Variants in RIMS1 observed in about 807,000 individuals in gnomAD.
RIMS1 encodes regulating synaptic membrane exocytosis protein 1.
In RIMS1, 83 loss-of-function variants were observed where a neutral mutation model predicts 214.1. The ratio of observed to expected loss-of-function variants is 0.39; its 90% CI spans 0.32 to 0.47. The LOEUF is 0.47. Ranked by LOEUF, RIMS1 falls within the 20% of genes least tolerant of loss-of-function variation. The pLI is 0.99. For synonymous variants in RIMS1, 793 were observed against 786.8 expected (o/e 1.01, Z -0.13); for missense variants, 2,050 against 2,161.8 (o/e 0.95, Z 1.03).
At chr6:72,005,415 T>C (rs1327028299) in intron 2 of RIMS1, among the ~76,000 whole-genome samples, 1 of 152,202 alleles carries the variant, frequency 6.6e-6, no homozygotes, top group Admixed American at 6.5e-5. Context: ...AAGAAAGTCA[T>C]TGGTAGCTTC....
At chr6:72,374,920 A>C (rs1455754123) in intron 29 of RIMS1, among the ~76,000 whole-genome samples, 2 of 152,186 alleles carry the variant, frequency 1.3e-5, no homozygotes, top group African/African-American at 4.8e-5. Flanking sequence ...TTAGATTCTC[A>C]AAAAGAATGC....
At chr6:72,061,359 C>T (rs1827805243) in intron 2 of RIMS1, among the ~76,000 whole-genome samples, 1 of 152,056 alleles carries the variant, frequency 6.6e-6, no homozygotes, top group Non-Finnish European at 1.5e-5. Flanking sequence ...GGCATGACAC[C>T]AAAAAATTTA....
intron 26 of RIMS1, among the ~76,000 whole-genome samples, chr6:72,297,359 T>A (rs192314382): frequency 1.1e-3 from 170 of 152,102 alleles, no homozygotes; most frequent in Non-Finnish European, 1.9e-3. Context: ...CTAAAAGTAT[T>A]AGATTCATAT....
chr6:72,096,732 T>A (rs2031857705), intron 2 of RIMS1, among the ~76,000 whole-genome samples: 1 of 152,218 alleles, frequency 6.6e-6, no homozygotes, highest in African/African-American at 2.4e-5. Flanking sequence ...TACATACACA[T>A]AGTTCAGTGC....
intron 29 of RIMS1, among the ~76,000 whole-genome samples, chr6:72,346,340 A>C (rs755787627): frequency 2.6e-5 from 4 of 151,850 alleles, no homozygotes; most frequent in Non-Finnish European, 5.9e-5. Flanking sequence ...AGTTAATAGA[A>C]TACAAGAATA....
At chr6:72,099,059 A>G (rs761721987) in intron 3 of RIMS1, among the ~76,000 whole-genome samples, 1 of 152,234 alleles carries the variant, frequency 6.6e-6, no homozygotes. Flanking sequence ...GTTCAGTCTG[A>G]AAAGATGTTG....
chr6:72,156,503 G>T (rs2044462846), intron 4 of RIMS1, among the ~76,000 whole-genome samples: 1 of 140,018 alleles, frequency 7.1e-6, no homozygotes, highest in Admixed American at 7.4e-5. Flanking sequence ...TAGGTAAAAG[G>T]GTACTACCTT....
intron 2 of RIMS1, among the ~76,000 whole-genome samples, chr6:71,989,074 C>T (rs1280896552): frequency 2.0e-5 from 3 of 152,086 alleles, no homozygotes; most frequent in Non-Finnish European, 2.9e-5. Context: ...AATGTATAAA[C>T]AATGGAAGAA....
chr6:72,392,773 G>A lies in RIMS1; in HGVS notation c.4581G>A (p.Gln1527=), dbSNP rs1345346015. The change falls in exon 31 of 34, where the codon CAG becomes CAA. Residue 1527 remains glutamine, a synonymous_variant. Transcript: ENST00000521978. ...SDFLDGLGPA[Q]LVGRQTLATP... Reference sequence around the variant, plus strand: ...TTCTTGATGGATTGGGACCAGCCCAGCTTGTTGGCCGCCAAACCCTTGCCA... The same window carrying A: ...TTCTTGATGGATTGGGACCAGCCCAACTTGTTGGCCGCCAAACCCTTGCCA... 1 of 1,613,542 alleles carries A rather than the reference G, an allele frequency of 6.2e-7. No homozygotes were observed. Among genetic ancestry groups the A allele is most frequent in the Non-Finnish European group, 8.5e-7 (1 of 1,179,776 alleles).
intron 4 of RIMS1, among the ~76,000 whole-genome samples, chr6:72,112,736 C>G (rs1315905671): frequency 1.3e-5 from 2 of 152,154 alleles, no homozygotes; most frequent in Non-Finnish European, 2.9e-5. Flanking sequence ...CACAGCCCAA[C>G]CATAGAACAT....
intron 23 of RIMS1, among the ~76,000 whole-genome samples, chr6:72,277,012 A>G (rs913251031): frequency 6.6e-6 from 1 of 152,216 alleles, no homozygotes; most frequent in Non-Finnish European, 1.5e-5. Flanking sequence ...TATACAATTC[A>G]ACTTTGGATA....
At chr6:71,945,221 C>A (rs1787421276) in intron 1 of RIMS1, among the ~76,000 whole-genome samples, 1 of 151,958 alleles carries the variant, frequency 6.6e-6, no homozygotes, top group African/African-American at 2.4e-5. Flanking sequence ...CCTCCCCAGT[C>A]CTGAAAGAAT....
chr6:72,243,699 A>AC (rs1243425495), intron 10 of RIMS1, among the ~76,000 whole-genome samples: 3 of 151,790 alleles, frequency 2.0e-5, no homozygotes, highest in African/African-American at 7.2e-5. Flanking sequence ...TGACTTAAAA[A>AC]AGTAACAGAC....
chr6:72,037,389 G>A (rs1444558534), intron 2 of RIMS1, among the ~76,000 whole-genome samples: 3 of 152,074 alleles, frequency 2.0e-5, no homozygotes, highest in Admixed American at 1.3e-4. Context: ...CTAAGGCACA[G>A]CATTTTAGTT....
intron 1 of RIMS1, among the ~76,000 whole-genome samples, chr6:71,894,251 C>T (rs751192496): frequency 6.6e-6 from 1 of 152,122 alleles, no homozygotes; most frequent in Non-Finnish European, 1.5e-5. Flanking sequence ...TTGAGACCAG[C>T]CTGGCCAACA....
chr6:72,085,977 G>A (rs912436508), intron 2 of RIMS1, among the ~76,000 whole-genome samples: 1 of 152,104 alleles, frequency 6.6e-6, no homozygotes, highest in Admixed American at 6.5e-5. Flanking sequence ...TTTATAAAAT[G>A]AGGAAATTGT....
intron 2 of RIMS1, among the ~76,000 whole-genome samples, chr6:72,093,775 A>AT (rs2153799059): frequency 6.6e-6 from 1 of 151,542 alleles, no homozygotes; most frequent in African/African-American, 2.4e-5. Flanking sequence ...CTCATTCCGT[A>AT]TTTTTTCCGC....
At chr6:72,356,474 T>C (rs556788998) in intron 29 of RIMS1, among the ~76,000 whole-genome samples, 1 of 152,206 alleles carries the variant, frequency 6.6e-6, no homozygotes, top group South Asian at 2.1e-4. Flanking sequence ...AATAATGAGA[T>C]GTGTCCAGGC....
intron 9 of RIMS1, among the ~76,000 whole-genome samples, chr6:72,241,504 A>AC (rs2066911556): frequency 6.6e-6 from 1 of 152,136 alleles, no homozygotes; most frequent in African/African-American, 2.4e-5. Flanking sequence ...TAACAACTGT[A>AC]AGTTGTTAGC....
Sources: allele counts gnomAD v4.1 joint callset (sites outside exome capture counted in the v4.1 genomes callset), GRCh38; gene constraint gnomAD v4.1.1; transcripts MANE v1.5; gene names NCBI Gene and HGNC (gene_info 2026-07-23, HGNC 2026-07-21).